LARS2: variants seen among roughly 807,000 people sequenced by gnomAD.
LARS2 encodes leucine--tRNA ligase, mitochondrial.
LARS2 carries 81 observed loss-of-function variants against 116.6 expected under a neutral mutation model. That is an observed-to-expected ratio of 0.69 (90% CI 0.58 to 0.84). LARS2 has a LOEUF of 0.84. Ranked by LOEUF, LARS2 falls within the 40% of genes least tolerant of loss-of-function variation. The pLI is 0.00. For synonymous variants in LARS2, 396 were observed against 407.2 expected (o/e 0.97, Z 0.33); for missense variants, 968 against 1,114.5 (o/e 0.87, Z 1.87).
At chr3:45,406,014 T>C (rs752591096) in intron 4 of LARS2, among the ~76,000 whole-genome samples, 1 of 152,124 alleles carries the variant, frequency 6.6e-6, no homozygotes, top group Non-Finnish European at 1.5e-5. Context: ...ATCAAAATGT[T>C]TGTGAACAGC....
chr3:45,439,322 A>G (rs1698864807), intron 6 of LARS2, among the ~76,000 whole-genome samples: 1 of 147,150 alleles, frequency 6.8e-6, no homozygotes, highest in Non-Finnish European at 1.5e-5. Flanking sequence ...CCTGGATTCA[A>G]GCAATTCCCT....
At chr3:45,474,628 C>T (rs1407078589) in intron 9 of LARS2, among the ~76,000 whole-genome samples, 3 of 152,244 alleles carry the variant, frequency 2.0e-5, no homozygotes, top group East Asian at 3.9e-4. Context: ...CATTTTAGTA[C>T]AGTCTTTGAA....
At chr3:45,475,970 G>A (rs944298267) in intron 9 of LARS2, among the ~76,000 whole-genome samples, 1 of 152,000 alleles carries the variant, frequency 6.6e-6, no homozygotes, top group Admixed American at 6.6e-5. Flanking sequence ...CAGCTCTAGG[G>A]ACTCATAGTC....
intron 7 of LARS2, among the ~76,000 whole-genome samples, chr3:45,456,392 G>C (rs1286577809): frequency 6.6e-6 from 1 of 152,178 alleles, no homozygotes; most frequent in Non-Finnish European, 1.5e-5. Flanking sequence ...AGACCAGCCT[G>C]GCCAACACGG....
At chr3:45,393,400 C>A (rs1697990532) in intron 2 of LARS2, among the ~76,000 whole-genome samples, 1 of 152,024 alleles carries the variant, frequency 6.6e-6, no homozygotes, top group Non-Finnish European at 1.5e-5. Flanking sequence ...CATGGTGAAA[C>A]CCCATCTCCA....
chr3:45,460,188 G>C (rs1373931233), intron 8 of LARS2, among the ~76,000 whole-genome samples: 2 of 152,230 alleles, frequency 1.3e-5, no homozygotes, highest in Non-Finnish European at 2.9e-5. Context: ...GCAGAGAATA[G>C]CATATGGATT....
Position 45,547,444 on chromosome 3 carries a change from G to T in LARS2, c.2626G>T (p.Gly876Cys). ...VHEFVLQSEL[G>C]VRLLQGRSIK... ...CGAATTTGTTCTTCAAAGCGAGCTG[G>T]GTGTCAGGCTTTTGCAAGGACGAAG... The change falls in exon 22 of 22, where the codon GGT becomes TGT. Residue 876 changes from glycine to cysteine, a missense_variant. Physicochemically the swap from Gly to Cys is radical, Grantham distance 159. Coordinates refer to ENST00000645846, the MANE Select transcript of LARS2 (RefSeq NM_015340.4). 1.2e-6 allele frequency: 2 copies of T among 1,613,856 alleles called. No homozygotes were observed. Among genetic ancestry groups the T allele is most frequent in the Non-Finnish European group, 1.7e-6 (2 of 1,179,924 alleles).
intron 10 of LARS2, among the ~76,000 whole-genome samples, chr3:45,484,464 A>G (rs1699758448): frequency 6.7e-6 from 1 of 150,008 alleles, no homozygotes. Flanking sequence ...AATACACTTC[A>G]TTTAAGATGA....
chr3:45,479,747 C>T (rs1699667109), intron 10 of LARS2, among the ~76,000 whole-genome samples: 1 of 152,150 alleles, frequency 6.6e-6, no homozygotes, highest in Non-Finnish European at 1.5e-5. Flanking sequence ...CCATAAAAGG[C>T]ATCAATGGGG....
chr3:45,517,190 A>C (rs1458627687), intron 17 of LARS2, among the ~76,000 whole-genome samples: 1 of 152,138 alleles, frequency 6.6e-6, no homozygotes, highest in African/African-American at 2.4e-5. Context: ...CCCACCCCTA[A>C]CCCAGGGGAC....
chr3:45,511,000 A>G (rs1469945834), intron 15 of LARS2, among the ~76,000 whole-genome samples: 3 of 152,228 alleles, frequency 2.0e-5, no homozygotes, highest in African/African-American at 4.8e-5. Context: ...TTCTGATTAT[A>G]TGGTACGAAG....
At chr3:45,478,732 T>A (rs945336615) in intron 10 of LARS2, among the ~76,000 whole-genome samples, 5 of 152,216 alleles carry the variant, frequency 3.3e-5, no homozygotes, top group African/African-American at 1.2e-4. Context: ...CAATTCTAAT[T>A]TTCAGAGTAG....
intron 7 of LARS2, among the ~76,000 whole-genome samples, chr3:45,457,109 G>T (rs990030378): frequency 1.3e-5 from 2 of 152,244 alleles, no homozygotes; most frequent in African/African-American, 4.8e-5. Context: ...AACGTCAGGG[G>T]GCAGTTAATA....
At chr3:45,485,881 A>C in intron 11 of LARS2, 85 bp downstream of exon 11, 1 of 719,262 alleles carries the variant, frequency 1.4e-6, no homozygotes, top group Non-Finnish European at 2.4e-6. Flanking sequence ...CATCTGGAAG[A>C]GCTGACTATA....
intron 4 of LARS2, 39 bp downstream of exon 4, chr3:45,400,412 A>G (rs1698126315): frequency 6.4e-7 from 1 of 1,566,754 alleles, no homozygotes; most frequent in African/African-American, 1.4e-5. Flanking sequence ...CTTGTCTGCC[A>G]CACGCAGGGT....
chr3:45,462,024 T>C (rs1302317492), intron 8 of LARS2, among the ~76,000 whole-genome samples: 2 of 152,168 alleles, frequency 1.3e-5, no homozygotes, highest in Non-Finnish European at 2.9e-5. Context: ...AAAAATCGTC[T>C]TGAGTTAGTG....
At chr3:45,398,231 A>G (rs1056134475) in intron 3 of LARS2, among the ~76,000 whole-genome samples, 6 of 152,224 alleles carry the variant, frequency 3.9e-5, no homozygotes, top group Non-Finnish European at 7.3e-5. Flanking sequence ...CCACGTGCTA[A>G]TGGTTCCGTT....
intron 6 of LARS2, among the ~76,000 whole-genome samples, chr3:45,433,656 T>A (rs1248498261): frequency 1.3e-5 from 2 of 152,172 alleles, no homozygotes. Context: ...AGAAAGAAAG[T>A]CTATCGTATT....
intron 15 of LARS2, chr3:45,509,231 A>G (rs1700245853): frequency 6.6e-6 from 1 of 152,072 alleles, no homozygotes; most frequent in African/African-American, 2.4e-5. Flanking sequence ...TTTTCCACTC[A>G]CTTATAAAGG....
Sources: allele counts gnomAD v4.1 joint callset (sites outside exome capture counted in the v4.1 genomes callset), GRCh38; gene constraint gnomAD v4.1.1; transcripts MANE v1.5; gene names NCBI Gene and HGNC (gene_info 2026-07-23, HGNC 2026-07-21).